Variants in SYNJ2 observed in about 807,000 individuals in gnomAD.
The protein encoded by SYNJ2 is polyphosphatidylinositol phosphatase SYNJ2.
Under a neutral mutation model 141.3 loss-of-function variants are expected in SYNJ2, and 116 were observed. That is an observed-to-expected ratio of 0.82 (90% CI 0.71 to 0.96). The LOEUF (loss-of-function observed/expected upper bound fraction) is 0.96, where lower values mean the gene tolerates loss of function less well. Ranked by LOEUF, SYNJ2 falls within the 40% of genes least tolerant of loss-of-function variation. The probability of loss-of-function intolerance (pLI) is 0.00; values close to 1 mark genes in which losing one functional copy is unlikely to be tolerated. For missense variants in SYNJ2, 1,873 were observed against 1,934.8 expected, an observed-to-expected ratio of 0.97 and a Z score of 0.60; for synonymous variants, 745 against 777.7, an observed-to-expected ratio of 0.96 and a Z score of 0.70.
rs1450784754 is a variant in SYNJ2 at position 158,087,005 on chromosome 6, C to G, written c.3343+16C>G. ...CCCCCTCCAAGTAAGACTCTGCTTG[C>G]TTTCAGCTCCCTGGATGCCTGCCAG... On this transcript the variant is annotated intron_variant, in intron 23 of 26. Coordinates refer to ENST00000355585, the MANE Select transcript of SYNJ2 (RefSeq NM_003898.4). 6.8e-7 allele frequency: 1 copy of G among 1,477,472 alleles called. No individual in the cohort carries two copies. The highest frequency in any genetic ancestry group is 9.1e-7 in the Non-Finnish European group (1 of 1,101,254). The allele number at this position is 1,477,472 out of a possible 1,614,324, so 91.5% of individuals were successfully genotyped here. A position where few individuals can be genotyped will look rare whatever the true frequency, so the allele number is the denominator to read the frequency against.
chr6:157,981,459 T>C (rs1266206111), upstream of SYNJ2, among the ~76,000 whole-genome samples: 1 of 152,096 alleles, frequency 6.6e-6, no homozygotes, highest in Non-Finnish European at 1.5e-5. This position sits in a 1 kb window ranked among gnomAD's most constrained non-coding sequence, Gnocchi z 6.4. Flanking sequence ...AAAGGACTCG[T>C]CCAGGGTCGC....
intron 1 of SYNJ2, among the ~76,000 whole-genome samples, chr6:157,996,873 T>C (rs1258223329): frequency 6.6e-6 from 1 of 152,238 alleles, no homozygotes; most frequent in Non-Finnish European, 1.5e-5. Context: ...GATGCTGCCA[T>C]GCTTCCCGTA....
At chr6:158,093,457 A>AAAAAAAAAAAC (rs1562413611) in intron 26 of SYNJ2, among the ~76,000 whole-genome samples, 1 of 151,324 alleles carries the variant, frequency 6.6e-6, no homozygotes, top group African/African-American at 2.5e-5. Context: ...AAACAAAAAA[A>AAAAAAAAAAAC]AAAAAACAGA....
intron 7 of SYNJ2, 198 bp downstream of exon 7, chr6:158,059,551 CTTTTCTTTTTT>C (rs1781081132): frequency 6.9e-6 from 9 of 1,305,082 alleles, no homozygotes; most frequent in Non-Finnish European, 6.8e-6. Flanking sequence ...AGTGTAATTT[CTTTTCTTTTTT>C]TTTTTTTTTA....
intron 1 of SYNJ2, among the ~76,000 whole-genome samples, chr6:157,990,332 T>C (rs9459056): frequency 0.59 from 88,361 of 149,584 alleles, 26,223 homozygotes; most frequent in African/African-American, 0.73. Context: ...TCTCATGCCT[T>C]CTTCTCCTTC....
At chr6:158,088,099 C>G (rs1318506425) in intron 23 of SYNJ2, among the ~76,000 whole-genome samples, 2 of 116,598 alleles carry the variant, frequency 1.7e-5, no homozygotes, top group African/African-American at 7.0e-5. Flanking sequence ...CATTCTGTCC[C>G]CCGGGCTGGA....
At position 158,062,133 on chromosome 6, in the gene SYNJ2, G is replaced by T; in HGVS notation, c.1096G>T (p.Val366Leu). 6.2e-7 allele frequency: 1 copy of T among 1,614,042 alleles called. No individual in the cohort carries two copies. Among genetic ancestry groups the T allele is most frequent in the Non-Finnish European group, 8.5e-7 (1 of 1,180,006 alleles). ...QLKLHWEDFD[V>L]FTKGENVSPR... Reference sequence around the variant, plus strand: ...AAAGCTGCACTGGGAAGACTTCGATGTGTTCACAAAGGGGGAGAACGTCAG... The same window carrying T: ...AAAGCTGCACTGGGAAGACTTCGATTTGTTCACAAAGGGGGAGAACGTCAG... The change falls in exon 8 of 27, where the codon GTG becomes TTG. Residue 366 changes from valine to leucine, a missense_variant. Val to Leu is a conservative substitution (Grantham distance 32, BLOSUM62 1). Coordinates refer to ENST00000355585, the MANE Select transcript of SYNJ2 (RefSeq NM_003898.4).
intron 15 of SYNJ2, among the ~76,000 whole-genome samples, chr6:158,072,981 G>C (rs559196608): frequency 6.6e-6 from 1 of 151,316 alleles, no homozygotes; most frequent in Non-Finnish European, 1.5e-5. Flanking sequence ...GCTGAGACAG[G>C]AGAATCGCAA....
At chr6:158,054,155 A>G (rs1780734718) in intron 5 of SYNJ2, among the ~76,000 whole-genome samples, 1 of 149,820 alleles carries the variant, frequency 6.7e-6, no homozygotes, top group Non-Finnish European at 1.5e-5. Flanking sequence ...CCATCTATCC[A>G]TCCACTCAGC....
At chr6:157,997,561 C>A (rs1777681720) in intron 1 of SYNJ2, among the ~76,000 whole-genome samples, 1 of 152,152 alleles carries the variant, frequency 6.6e-6, no homozygotes, top group Non-Finnish European at 1.5e-5. Flanking sequence ...CCTACCCACG[C>A]CTTGATCTTG....
rs542895719 is a variant in SYNJ2, at chr6:158,094,000, C to A, written c.3744+896C>A. On this transcript the variant is annotated intron_variant, in intron 26 of 26. Coordinates refer to ENST00000355585, the MANE Select transcript of SYNJ2 (RefSeq NM_003898.4). Reference sequence around the variant, plus strand: ...CTGGCATCTGTAGACACATCTGGATCTTCCGTTTGATCTCAGTGTTCTAGT... The same window carrying A: ...CTGGCATCTGTAGACACATCTGGATATTCCGTTTGATCTCAGTGTTCTAGT... 1.0e-4 allele frequency: 78 copies of A among 765,110 alleles called. 1 individual carries two copies. In the South Asian group the frequency reaches 1.0e-3, roughly 10 times the overall value. 47.4% of individuals were successfully genotyped at this position (765,110 alleles called of 1,614,324 possible).
At chr6:158,079,530 G>A (rs1221006213) in intron 18 of SYNJ2, among the ~76,000 whole-genome samples, 1 of 151,760 alleles carries the variant, frequency 6.6e-6, no homozygotes, top group African/African-American at 2.4e-5. Context: ...GCATCACCAT[G>A]CCCGGCTGAT....
Position 158,095,027 on chromosome 6 carries a change from C to T in SYNJ2, c.3745-591C>T, listed in dbSNP as rs539286124. Among the ~76,000 whole-genome samples the T allele has an allele frequency of 1.4e-4, 21 of 151,996 alleles. No homozygotes were observed. The East Asian group carries it at 3.1e-3, about 22-fold the overall frequency. The stretch of plus-strand genomic sequence containing the variant: ...AGCCAGGCATGGTGGCAGGCGCCTG[C>T]AATCCCAGCTACTCGGGAGGCTGAA... On this transcript the variant is annotated intron_variant, in intron 26 of 26. Coordinates refer to ENST00000355585, the MANE Select transcript of SYNJ2 (RefSeq NM_003898.4).
At chr6:158,077,665 A>AAAAAAAAAC (rs1235893566) in intron 17 of SYNJ2, 1 of 95,900 alleles carries the variant, frequency 1.0e-5, no homozygotes, top group African/African-American at 4.9e-5. Context: ...AAAAAAAAAA[A>AAAAAAAAAC]AAAAAAAAAA....
intron 6 of SYNJ2, among the ~76,000 whole-genome samples, chr6:158,057,539 A>G (rs1780943549): frequency 6.6e-6 from 1 of 152,222 alleles, no homozygotes; most frequent in South Asian, 2.1e-4. Context: ...TAGATGAAGG[A>G]GCCAGCTCAG....
chr6:158,059,359 GC>G lies in SYNJ2; in HGVS notation c.954+8del. 1 of 1,549,628 alleles carries G rather than the reference GC, an allele frequency of 6.5e-7. No homozygotes were observed. The highest frequency in any genetic ancestry group is 8.7e-7 in the Non-Finnish European group (1 of 1,146,572). ...TGCTCAACAGAGCCTTCAAGGTAAG[GC>G]CAGGCTGTCCTCTCCACAGCTGGGC... On this transcript the variant is annotated splice_region_variant and intron_variant, in intron 7 of 26. Transcript: ENST00000355585.
Position 158,009,393 on chromosome 6 carries a change from G to A in SYNJ2, c.128-7811G>A, listed in dbSNP as rs2364575. ...ATTCCTCCTGTTCCTCTTGGCCACT[G>A]CCAAATGCTGGATGGTTTCCATCTG... is the stretch of plus-strand genomic sequence containing the variant. On this transcript the variant is annotated intron_variant, in intron 1 of 26. Coordinates refer to ENST00000355585, the MANE Select transcript of SYNJ2 (RefSeq NM_003898.4). 9.4e-3 allele frequency among the ~76,000 whole-genome samples: 1,425 copies of A among 151,786 alleles called. 25 individuals are homozygous for A. The highest frequency in any genetic ancestry group is 0.033 in the African/African-American group (1,353 of 41,334).
At chr6:158,094,407 A>C (rs955560408) in intron 26 of SYNJ2, among the ~76,000 whole-genome samples, 3 of 151,248 alleles carry the variant, frequency 2.0e-5, no homozygotes, top group Admixed American at 6.6e-5. Context: ...AAAAAAAAAA[A>C]AAAAAAAAAA....
Position 158,077,140 on chromosome 6 carries a change from A to C in SYNJ2, c.2449+358A>C, listed in dbSNP as rs181982846. 1.2e-4 allele frequency among the ~76,000 whole-genome samples: 19 copies of C among 152,196 alleles called. No homozygotes were observed. The East Asian group carries it at 2.5e-3, about 20-fold the overall frequency. ...CCTCCTGAGTGCTGGGATTACAGGC[A>C]TGCACCACCATGCCCAGCTAATTTT... On this transcript the variant is annotated intron_variant, in intron 17 of 26. Coordinates refer to ENST00000355585, the MANE Select transcript of SYNJ2 (RefSeq NM_003898.4).
Sources: allele counts gnomAD v4.1 joint callset (sites outside exome capture counted in the v4.1 genomes callset), GRCh38; gene constraint gnomAD v4.1.1; non-coding constraint Gnocchi (gnomAD v3.1); transcripts MANE v1.5; gene names NCBI Gene and HGNC (gene_info 2026-07-23, HGNC 2026-07-21).